EDIL3: variants seen among roughly 807,000 people sequenced by gnomAD.
The protein encoded by EDIL3 is EGF like and discoidin domains 3, also known as EGF-like repeat and discoidin I-like domain-containing protein 3.
Under a neutral mutation model 67.4 loss-of-function variants are expected in EDIL3, and 37 were observed. The ratio of observed to expected loss-of-function variants is 0.55; its 90% confidence interval spans 0.42 to 0.72. The LOEUF (loss-of-function observed/expected upper bound fraction) is 0.72. Ranked by LOEUF, EDIL3 falls within the 30% of genes least tolerant of loss-of-function variation. EDIL3 has a pLI of 0.00. For missense variants in EDIL3, 527 were observed against 586.3 expected, an observed-to-expected ratio of 0.90 and a Z score of 1.04; for synonymous variants, 195 against 196.3, an observed-to-expected ratio of 0.99 and a Z score of 0.05.
At chr5:84,115,196 T>A (rs1175140920) in intron 5 of EDIL3, among the ~76,000 whole-genome samples, 1 of 152,144 alleles carries the variant, frequency 6.6e-6, no homozygotes, top group East Asian at 1.9e-4. Flanking sequence ...CTTAAAAATA[T>A]ATAAGAATCA....
At chr5:84,384,284 G>A (rs1748172877) in intron 1 of EDIL3, 24 bp downstream of exon 1, 2 of 1,603,116 alleles carry the variant, frequency 1.2e-6, no homozygotes, top group Non-Finnish European at 1.7e-6. Context: ...CCCTCACCCA[G>A]CTGTCCGGGT....
intron 5 of EDIL3, among the ~76,000 whole-genome samples, chr5:84,131,948 A>G (rs1378024486): frequency 6.6e-6 from 1 of 151,966 alleles, no homozygotes; most frequent in East Asian, 1.9e-4. Flanking sequence ...GAAAGAATAT[A>G]GGGGCTGGGC....
chr5:83,990,348 G>A (rs560646843), intron 9 of EDIL3, among the ~76,000 whole-genome samples: 5 of 151,992 alleles, frequency 3.3e-5, no homozygotes, highest in Admixed American at 6.6e-5. Flanking sequence ...TTAGCTGGGC[G>A]TGGTGGCATG....
chr5:84,184,371 G>T (rs1179826290), intron 3 of EDIL3, among the ~76,000 whole-genome samples: 1 of 152,176 alleles, frequency 6.6e-6, no homozygotes, highest in Non-Finnish European at 1.5e-5. Context: ...TAAAAGGAAA[G>T]GCAGAAATAT....
At chr5:83,943,772 T>C (rs542731014) in intron 10 of EDIL3, among the ~76,000 whole-genome samples, 7 of 152,214 alleles carry the variant, frequency 4.6e-5, no homozygotes, top group Admixed American at 3.3e-4. Flanking sequence ...TAAACCTTTA[T>C]TGTTTAATGC....
In EDIL3 at chr5:83,956,477, T is replaced by G. The variant is rs183906843; in HGVS notation, c.1293+6728A>C. ...CAACTGCTATCACACTACTCATTGA[T>G]GACAATATGCTGCTTTCTGAATTCA... On this transcript the variant is annotated intron_variant, in intron 10 of 10. Coordinates refer to ENST00000296591, the MANE Select transcript of EDIL3 (RefSeq NM_005711.5). 5.3e-5 allele frequency among the ~76,000 whole-genome samples: 8 copies of G among 151,852 alleles called. No homozygotes were observed. The East Asian group carries it at 1.6e-3, about 30-fold the overall frequency.
chr5:84,307,135 T>G (rs1453824321), intron 1 of EDIL3, among the ~76,000 whole-genome samples: 1 of 152,096 alleles, frequency 6.6e-6, no homozygotes, highest in Non-Finnish European at 1.5e-5. Flanking sequence ...CAAGTGCACA[T>G]CTGAAAATAA....
intron 10 of EDIL3, among the ~76,000 whole-genome samples, chr5:83,950,047 G>A (rs1459450480): frequency 2.0e-5 from 3 of 151,754 alleles, no homozygotes; most frequent in African/African-American, 4.8e-5. Context: ...GCTAAGGTGA[G>A]CTTCCTAGTT....
intron 9 of EDIL3, among the ~76,000 whole-genome samples, chr5:83,973,497 T>C (rs542139328): frequency 3.3e-5 from 5 of 152,056 alleles, no homozygotes; most frequent in African/African-American, 4.8e-5. Context: ...AGTGTGAACG[T>C]TGTATAGGTC....
At chr5:84,358,270 A>T (rs1462984691) in intron 1 of EDIL3, among the ~76,000 whole-genome samples, 1 of 152,146 alleles carries the variant, frequency 6.6e-6, no homozygotes, top group Non-Finnish European at 1.5e-5. Context: ...TATGTAATCT[A>T]TAAGGCCAGA....
chr5:84,173,242 C>T (rs1168747888), intron 4 of EDIL3, among the ~76,000 whole-genome samples: 1 of 152,092 alleles, frequency 6.6e-6, no homozygotes, highest in Non-Finnish European at 1.5e-5. Flanking sequence ...GTGGATCTGA[C>T]TGAGTGAGGG....
intron 9 of EDIL3, chr5:84,048,234 G>A (rs967396224): frequency 4.5e-6 from 2 of 441,072 alleles, no homozygotes; most frequent in African/African-American, 2.0e-5. Flanking sequence ...CCAGTGGCCT[G>A]GTGGTCACTT....
At chr5:84,230,763 A>ATGTGTGTGTGTGTGTGTGTGTGTG (rs59552122) in intron 2 of EDIL3, among the ~76,000 whole-genome samples, 24 of 137,226 alleles carry the variant, frequency 1.7e-4, no homozygotes, top group South Asian at 5.0e-4. Context: ...CCACTACGTG[A>ATGTGTGTGTGTGTGTGTGTGTGTG]TGTGTGTGTG....
intron 3 of EDIL3, among the ~76,000 whole-genome samples, chr5:84,184,572 T>C (rs1473380029): frequency 6.6e-6 from 1 of 152,090 alleles, no homozygotes; most frequent in Non-Finnish European, 1.5e-5. Context: ...CTGTGAGTGG[T>C]ACTTGGGGAA....
intron 9 of EDIL3, among the ~76,000 whole-genome samples, chr5:84,024,788 C>G (rs1745782264): frequency 7.9e-6 from 1 of 127,044 alleles, no homozygotes; most frequent in African/African-American, 2.6e-5. Context: ...CCCTTAAGAA[C>G]ACAACTTCTT....
chr5:84,104,442 T>A (rs931842772), intron 6 of EDIL3, among the ~76,000 whole-genome samples: 10 of 151,434 alleles, frequency 6.6e-5, no homozygotes, highest in Non-Finnish European at 1.5e-4. Flanking sequence ...ACATTAAAAA[T>A]ATATTATTAA....
intron 9 of EDIL3, among the ~76,000 whole-genome samples, chr5:83,971,250 T>C (rs1277931964): frequency 1.3e-5 from 2 of 151,266 alleles, no homozygotes; most frequent in East Asian, 1.9e-4. Context: ...TCCTCTATTA[T>C]GTCATAAAGA....
chr5:84,038,211 T>C (rs950733190), intron 9 of EDIL3, among the ~76,000 whole-genome samples: 12 of 151,960 alleles, frequency 7.9e-5, no homozygotes, highest in African/African-American at 2.9e-4. Flanking sequence ...TGGCTCTCCT[T>C]ACGCGGTAGG....
chr5:83,991,415 T>C (rs1056281449), intron 9 of EDIL3, among the ~76,000 whole-genome samples: 3 of 152,150 alleles, frequency 2.0e-5, no homozygotes. Context: ...TGATTCTGCC[T>C]CATCGATTCA....
Sources: gnomAD v4.1 joint callset for allele counts (sites outside exome capture counted in the v4.1 genomes callset) on GRCh38, gnomAD v4.1.1 for gene constraint, MANE v1.5 for transcripts, NCBI Gene and HGNC (gene_info 2026-07-23, HGNC 2026-07-21) for gene names.